The following ZNF845 variants were observed in gnomAD, a reference collection of about 807,000 sequenced individuals.
ZNF845 encodes zinc finger protein 845.
A neutral mutation model predicts 76.1 loss-of-function variants in ZNF845; 59 were observed. The ratio of observed to expected loss-of-function variants is 0.78; its 90% confidence interval spans 0.63 to 0.96. ZNF845 has a LOEUF of 0.96. Among genes scored for constraint, ZNF845 ranks in the 40% least tolerant of loss-of-function variants. The probability of loss-of-function intolerance (pLI) is 0.00; values close to 1 mark genes in which losing one functional copy is unlikely to be tolerated. For synonymous variants in ZNF845, 361 were observed against 386.9 expected (o/e 0.93, Z 0.78); for missense variants, 1,045 against 1,172.8 (o/e 0.89, Z 1.59).
In ZNF845 at chr19:53,350,943, A is replaced by G. The variant is rs2085328926; in HGVS notation, c.268A>G (p.Met90Val). The change falls in exon 4 of 4, where the codon ATG becomes GTG. Residue 90 changes from methionine to valine, a missense_variant. Physicochemically the swap from Met to Val is conservative, Grantham distance 21. Transcript: ENST00000458035. Reference sequence around the variant, plus strand: ...CATTGGAGATTTTTGCTTCCAGGAAATGGAGAAAGATATTCATGATTTTGA... The same window carrying G: ...CATTGGAGATTTTTGCTTCCAGGAAGTGGAGAAAGATATTCATGATTTTGA... Reference protein sequence around the residue: ...HHIGDFCFQEMEKDIHDFEFQ... With the variant: ...HHIGDFCFQEVEKDIHDFEFQ... The G allele has an allele frequency of 6.2e-7, 1 of 1,614,070 alleles. No homozygotes were observed. The highest frequency in any genetic ancestry group is 1.3e-5 in the African/African-American group (1 of 74,924).
intron 1 of ZNF845, among the ~76,000 whole-genome samples, chr19:53,335,022 G>A (rs118075749): frequency 0.023 from 3,541 of 152,254 alleles, 48 homozygotes; most frequent in Non-Finnish European, 0.038. Flanking sequence ...CTTAGAACTT[G>A]TTTAAATTAT....
At position 53,353,846 on chromosome 19, in the gene ZNF845, A is replaced by G. The variant is rs904448117; in HGVS notation, c.*258A>G. ...TGGTATAGGGAAACTTTACTAATGTAATGATTATCACAAAGTCTTCAGTAA... is the reference window on the plus strand; with the variant it reads ...TGGTATAGGGAAACTTTACTAATGTGATGATTATCACAAAGTCTTCAGTAA... On this transcript the variant is annotated 3_prime_UTR_variant, in exon 4 of 4. Transcript: ENST00000458035. 7.5e-7 allele frequency: 1 copy of G among 1,338,226 alleles called. No homozygotes were observed. The allele number at this position is 1,338,226 out of a possible 1,614,324, so 82.9% of individuals were successfully genotyped here. A position where few individuals can be genotyped will look rare whatever the true frequency, so the allele number is the denominator to read the frequency against.
chr19:53,334,486 AAAAAC>A (rs1324068954), intron 1 of ZNF845, among the ~76,000 whole-genome samples: 4 of 152,172 alleles, frequency 2.6e-5, no homozygotes, highest in East Asian at 1.9e-4. Context: ...CAAAAATGAA[AAAAAC>A]AAAACAAAAC....
chr19:53,334,904 G>A (rs1355844913), intron 1 of ZNF845, among the ~76,000 whole-genome samples: 3 of 152,174 alleles, frequency 2.0e-5, no homozygotes, highest in Non-Finnish European at 4.4e-5. Flanking sequence ...AGCAGAGCCT[G>A]TCTCAAAAGA....
At chr19:53,335,404 G>A (rs2085206146) in intron 1 of ZNF845, among the ~76,000 whole-genome samples, 1 of 152,008 alleles carries the variant, frequency 6.6e-6, no homozygotes, top group South Asian at 2.1e-4. Context: ...GGGACCACAG[G>A]CGTGAGCCAC....
Position 53,351,798 on chromosome 19 carries a change from A to C in ZNF845, c.1123A>C (p.Lys375Gln). Residue 375 changes from lysine (K) to glutamine (Q), a missense_variant, in exon 4 of 4, where the codon AAA becomes CAA. Physicochemically the swap from Lys to Gln is moderately conservative, Grantham distance 53. Coordinates refer to ENST00000458035, the MANE Select transcript of ZNF845 (RefSeq NM_138374.3). ...CAAATCAAACCTTGAAAGACATAGG[A>C]AAATTCATACTGGAGAGAAACCTTA... is the stretch of plus-strand genomic sequence containing the variant. ...SFKSNLERHR[K>Q]IHTGEKPYKC... 6.2e-7 allele frequency: 1 copy of C among 1,613,920 alleles called. No homozygotes were observed.
At chr19:53,340,625 GT>G (rs1229430443) in intron 1 of ZNF845, among the ~76,000 whole-genome samples, 6 of 152,134 alleles carry the variant, frequency 3.9e-5, no homozygotes, top group Non-Finnish European at 8.8e-5. Context: ...TAATTACATT[GT>G]TTATAAGGGT....
Position 53,345,652 on chromosome 19 carries a change from A to G in ZNF845, c.142+20A>G, listed in dbSNP as rs2085290031. On this transcript the variant is annotated intron_variant, in intron 3 of 3. Transcript: ENST00000458035. ...CCCTGGGTGAGGATAACTTCCCTCC[A>G]GAAGTGGGGATGTGCCCTTGTGTAT... 3 of 1,610,972 alleles carry G rather than the reference A, an allele frequency of 1.9e-6. No individual in the cohort carries two copies. The highest frequency in any genetic ancestry group is 1.7e-4 in the Middle Eastern group (1 of 6,034).
chr19:53,343,098 C>T (rs996168926), intron 2 of ZNF845, among the ~76,000 whole-genome samples: 3 of 152,094 alleles, frequency 2.0e-5, no homozygotes, highest in African/African-American at 2.4e-5. Context: ...GGATTGCAAG[C>T]GTGATCCACC....
rs1390986584 is a variant in ZNF845, at chr19:53,351,302, CAT to C, written c.628_629del (p.Met210GlufsTer8). ...TACTCACACAAAAGCAGGAAGTACA[CAT>C]GAGAGAAAAATCTTTCCAATGTAAT... Reference protein sequence around the residue: ...SLLTQKQEVHMREKSFQCNES... With the variant: ...SLLTQKQEVHXREKSFQCNES... On this transcript the variant is annotated frameshift_variant, in exon 4 of 4. Transcript: ENST00000458035. LOFTEE classifies it high-confidence loss of function. The C allele has an allele frequency of 4.3e-6, 7 of 1,614,202 alleles. No homozygotes were observed. The highest frequency in any genetic ancestry group is 5.1e-6 in the Non-Finnish European group (6 of 1,180,038).
intron 1 of ZNF845, among the ~76,000 whole-genome samples, chr19:53,338,926 AAAG>A (rs770271371): frequency 1.7e-4 from 26 of 151,092 alleles, no homozygotes; most frequent in Non-Finnish European, 3.0e-4. Context: ...TAAAAAAAAA[AAAG>A]AAAGAAAGAA....
At position 53,351,615 on chromosome 19, in the gene ZNF845, CT is replaced by C. The variant is rs774229439; in HGVS notation, c.942del (p.Val315Ter). On this transcript the variant is annotated frameshift_variant, in exon 4 of 4. Coordinates refer to ENST00000458035, the MANE Select transcript of ZNF845 (RefSeq NM_138374.3). LOFTEE classifies it high-confidence loss of function. ...CAAGACCTTCAGTCGAAATTCAGCC[CT>C]TGTAATTCATAAGGCAATTCATACT... ...CGKTFSRNSA[L>X]VIHKAIHTGE... 5.0e-6 allele frequency: 8 copies of C among 1,613,908 alleles called. No individual in the cohort carries two copies. The highest frequency in any genetic ancestry group is 6.8e-6 in the Non-Finnish European group (8 of 1,179,962).
chr19:53,340,831 G>T, intron 1 of ZNF845: 1 of 362,578 alleles, frequency 2.8e-6, no homozygotes, highest in East Asian at 4.0e-5. Flanking sequence ...CAGCCATGCA[G>T]GCGTCTTTCC....
At position 53,356,645 on chromosome 19, in the gene ZNF845, T is replaced by C. The variant is rs1405813400; in HGVS notation, c.*3057T>C. On this transcript the variant is annotated 3_prime_UTR_variant, in exon 4 of 4. Coordinates refer to ENST00000458035, the MANE Select transcript of ZNF845 (RefSeq NM_138374.3). The stretch of plus-strand genomic sequence containing the variant: ...GACGTTTATTTAGAAAATTTGTAAA[T>C]GAGGCCGGGCGTGGTGGCTCACGCC... 4 of 152,146 alleles carry C rather than the reference T, an allele frequency of 2.6e-5. No individual in the cohort carries two copies. Among genetic ancestry groups the C allele is most frequent in the Admixed American group, 1.3e-4 (2 of 15,266 alleles). The allele number at this position is 152,146 out of a possible 1,614,324, so 9.4% of individuals were successfully genotyped here. A position where few individuals can be genotyped will look rare whatever the true frequency, so the allele number is the denominator to read the frequency against.
chr19:53,344,970 G>T (rs1454308095), intron 2 of ZNF845, among the ~76,000 whole-genome samples: 1 of 151,988 alleles, frequency 6.6e-6, no homozygotes, highest in African/African-American at 2.4e-5. Flanking sequence ...TGTATTTTTA[G>T]TATTATCCAC....
chr19:53,346,947 A>T (rs934472690), intron 3 of ZNF845, among the ~76,000 whole-genome samples: 1 of 152,080 alleles, frequency 6.6e-6, no homozygotes, highest in Non-Finnish European at 1.5e-5. Flanking sequence ...GCAATGGCAC[A>T]ATCTCAGGTC....
intron 1 of ZNF845, among the ~76,000 whole-genome samples, chr19:53,335,002 A>C (rs1032804193): frequency 3.9e-5 from 6 of 152,282 alleles, no homozygotes; most frequent in Non-Finnish European, 8.8e-5. Context: ...CTGTTTATAT[A>C]ATCTAATAAC....
Position 53,354,863 on chromosome 19 carries a change from G to A in ZNF845, c.*1275G>A, listed in dbSNP as rs2085373389. On this transcript the variant is annotated 3_prime_UTR_variant, in exon 4 of 4. Coordinates refer to ENST00000458035, the MANE Select transcript of ZNF845 (RefSeq NM_138374.3). ...TATTAGTATCAGTAAAATCTTGGTTGATTCTTTGTGATTTTCTTTCTTTTT... is the reference window on the plus strand; with the variant it reads ...TATTAGTATCAGTAAAATCTTGGTTAATTCTTTGTGATTTTCTTTCTTTTT... 1 of 151,580 alleles carries A rather than the reference G, an allele frequency of 6.6e-6. No individual in the cohort carries two copies. Among genetic ancestry groups the A allele is most frequent in the Non-Finnish European group, 1.5e-5 (1 of 67,916 alleles). 9.4% of individuals were successfully genotyped at this position (151,580 alleles called of 1,614,324 possible). A position where few individuals can be genotyped will look rare whatever the true frequency, so the allele number is the denominator to read the frequency against.
In ZNF845 at chr19:53,351,119, G is replaced by T; in HGVS notation, c.444G>T (p.Leu148=). ...DQLGSSFHSH[L]PELHMFQTEG... ...TTGGATCAAGCTTTCATTCGCATCT[G>T]CCTGAACTCCACATGTTTCAGACCG... The change falls in exon 4 of 4, where the codon CTG becomes CTT. Residue 148 remains leucine, a synonymous_variant. Coordinates refer to ENST00000458035, the MANE Select transcript of ZNF845 (RefSeq NM_138374.3). 6.2e-7 allele frequency: 1 copy of T among 1,614,200 alleles called. No individual in the cohort carries two copies. Among genetic ancestry groups the T allele is most frequent in the Non-Finnish European group, 8.5e-7 (1 of 1,180,032 alleles).
Sources: gnomAD v4.1 joint callset for allele counts (sites outside exome capture counted in the v4.1 genomes callset) on GRCh38, gnomAD v4.1.1 for gene constraint, MANE v1.5 for transcripts, NCBI Gene and HGNC (gene_info 2026-07-23, HGNC 2026-07-21) for gene names.